SEC14L6: variants seen among roughly 807,000 people sequenced by gnomAD.
The protein encoded by SEC14L6 is SEC14-like protein 6.
A neutral mutation model predicts 54.1 loss-of-function variants in SEC14L6; 40 were observed. The observed-to-expected ratio is 0.74, with a 90% CI of 0.57 to 0.96. SEC14L6 has a LOEUF of 0.96. Among genes scored for constraint, SEC14L6 ranks in the 40% least tolerant of loss-of-function variants. The probability of loss-of-function intolerance (pLI) is 0.00; values close to 1 mark genes in which losing one functional copy is unlikely to be tolerated. For synonymous variants in SEC14L6, 171 were observed against 198.4 expected, an observed-to-expected ratio of 0.86 and a Z score of 1.16; for missense variants, 471 against 498.3, an observed-to-expected ratio of 0.95 and a Z score of 0.52.
chr22:30,542,450 A>G (rs1390855610), intron 1 of SEC14L6: 1 of 502,182 alleles, frequency 2.0e-6, no homozygotes, highest in Non-Finnish European at 3.4e-6. Context: ...CGATGTAGCC[A>G]GCTCGCAGCG....
chr22:30,532,134 G>A, intron 5 of SEC14L6, 136 bp from the exon 6 acceptor site: 1 of 1,442,688 alleles, frequency 6.9e-7, no homozygotes, highest in Non-Finnish European at 9.1e-7. Flanking sequence ...GGGAGGGAAG[G>A]GGCCATCCCA....
intron 6 of SEC14L6, among the ~76,000 whole-genome samples, chr22:30,531,430 GAAAAA>G (rs544856490): frequency 2.1e-3 from 301 of 141,748 alleles, no homozygotes; most frequent in Non-Finnish European, 3.7e-3. Context: ...GAAAAGAAAA[GAAAAA>G]AAAAACGGGC....
At chr22:30,541,677 GT>G (rs2085715984) in intron 1 of SEC14L6, among the ~76,000 whole-genome samples, 1 of 150,634 alleles carries the variant, frequency 6.6e-6, no homozygotes, top group South Asian at 2.1e-4. Context: ...AAAAAAAAAA[GT>G]TAAAAATTAG....
intron 2 of SEC14L6, 29 bp downstream of exon 2, chr22:30,538,798 C>T (rs575173410): frequency 4.7e-6 from 7 of 1,494,654 alleles, no homozygotes; most frequent in South Asian, 2.4e-5. Context: ...TGCCATTGAC[C>T]CTACCCCAGC....
intron 2 of SEC14L6, among the ~76,000 whole-genome samples, chr22:30,536,001 C>T (rs1224601314): frequency 6.6e-6 from 1 of 151,038 alleles, no homozygotes; most frequent in Admixed American, 6.6e-5. Context: ...GCTGGAACCA[C>T]AGGTGTGCCA....
chr22:30,544,237 C>G (rs2085775218), intron 1 of SEC14L6: 2 of 554,428 alleles, frequency 3.6e-6, no homozygotes, highest in Admixed American at 3.1e-5. Flanking sequence ...CTCCCCACCC[C>G]TCCTTGGCTC....
At position 30,546,719 on chromosome 22, in the gene SEC14L6, T is replaced by C; in HGVS notation, c.-37A>G. 1 of 1,533,580 alleles carries C rather than the reference T, an allele frequency of 6.5e-7. No homozygotes were observed. The highest frequency in any genetic ancestry group is 8.8e-7 in the Non-Finnish European group (1 of 1,132,856). The allele number at this position is 1,533,580 out of a possible 1,614,324, so 95.0% of individuals were successfully genotyped here. A position where few individuals can be genotyped will look rare whatever the true frequency, so the allele number is the denominator to read the frequency against. On this transcript the variant is annotated 5_prime_UTR_variant, in exon 1 of 12. Transcript: ENST00000402034. ...ATGGGTCCAGGCTCCACTCTGTGGCTCCCTCCAGGTGGCCTGCCTTTTGCC... is the reference window on the plus strand; with the variant it reads ...ATGGGTCCAGGCTCCACTCTGTGGCCCCCTCCAGGTGGCCTGCCTTTTGCC...
At chr22:30,525,323 G>A (rs376352847) in intron 11 of SEC14L6, 27 bp downstream of exon 11, 2 of 1,610,714 alleles carry the variant, frequency 1.2e-6, no homozygotes, top group East Asian at 2.2e-5. Context: ...CCCAGCTCCA[G>A]GTAGAGCCAT....
chr22:30,545,461 G>T (rs966460745), intron 1 of SEC14L6, among the ~76,000 whole-genome samples: 1 of 150,674 alleles, frequency 6.6e-6, no homozygotes, highest in Non-Finnish European at 1.5e-5. Context: ...GTGGCACGAT[G>T]TTGGCTCACC....
At position 30,543,029 on chromosome 22, in the gene SEC14L6, C is replaced by A. The variant is rs1053592182; in HGVS notation, c.54+3600G>T. On this transcript the variant is annotated intron_variant, in intron 1 of 11. Coordinates refer to ENST00000402034, the MANE Select transcript of SEC14L6 (RefSeq NM_001193336.4). Reference sequence around the variant, plus strand: ...GCCAAACCCTCTGCCCCCGTGGTATCGGGCCCCGCAGCGAGGGCCACACCT... The same window carrying A: ...GCCAAACCCTCTGCCCCCGTGGTATAGGGCCCCGCAGCGAGGGCCACACCT... 11 of 1,600,562 alleles carry A rather than the reference C, an allele frequency of 6.9e-6. No homozygotes were observed. In the Admixed American group the frequency reaches 1.7e-4, roughly 24 times the overall value.
chr22:30,525,816 C>T lies in SEC14L6; in HGVS notation c.771+10G>A, dbSNP rs1409184933. 1 of 1,613,344 alleles carries T rather than the reference C, an allele frequency of 6.2e-7. No individual in the cohort carries two copies. Among genetic ancestry groups the T allele is most frequent in the South Asian group, 1.1e-5 (1 of 90,976 alleles). On this transcript the variant is annotated intron_variant, in intron 9 of 11. Transcript: ENST00000402034. The stretch of plus-strand genomic sequence containing the variant: ...CTCCCCTCCTTCCCCATCCTCTGGG[C>T]ACCCTGTACCTTGGTCAGGCACTTG...
At chr22:30,539,991 A>G (rs2085670642) in intron 1 of SEC14L6, among the ~76,000 whole-genome samples, 2 of 152,214 alleles carry the variant, frequency 1.3e-5, no homozygotes, top group South Asian at 4.1e-4. Flanking sequence ...CACCGGACAA[A>G]GAGTCAGCAG....
In SEC14L6 at chr22:30,542,241, G is replaced by A. The variant is rs2085731664; in HGVS notation, c.55-3339C>T. ...CCGGCCCGCACCCACCCCCAAGAGG[G>A]GCCTTCAGCTTTGGGGCTCAGAGGC... On this transcript the variant is annotated intron_variant, in intron 1 of 11. Coordinates refer to ENST00000402034, the MANE Select transcript of SEC14L6 (RefSeq NM_001193336.4). Among the ~76,000 whole-genome samples, 3 of 152,176 alleles carry A rather than the reference G, an allele frequency of 2.0e-5. No individual in the cohort carries two copies. The South Asian group carries it at 6.2e-4, about 31-fold the overall frequency.
chr22:30,538,896 C>T lies in SEC14L6; in HGVS notation c.61G>A (p.Glu21Lys). The change falls in exon 2 of 12, where the codon GAG becomes AAG. Residue 21 changes from glutamate to lysine, a missense_variant. Glu to Lys is a moderately conservative substitution (Grantham distance 56). Coordinates refer to ENST00000402034, the MANE Select transcript of SEC14L6 (RefSeq NM_001193336.4). ...SQEKSLAQFR[E>K]NIQDVLSALP... ...GCAGATAGCACATCTTGGATGTTCT[C>T]CCGGAACTGAGGACAGACAGGGAGA... 1 of 1,553,056 alleles carries T rather than the reference C, an allele frequency of 6.4e-7. No homozygotes were observed. Among genetic ancestry groups the T allele is most frequent in the Non-Finnish European group, 8.7e-7 (1 of 1,147,638 alleles).
At chr22:30,527,952 A>G (rs1036776455) in intron 8 of SEC14L6, among the ~76,000 whole-genome samples, 1 of 151,942 alleles carries the variant, frequency 6.6e-6, no homozygotes, top group Non-Finnish European at 1.5e-5. Context: ...ACAAAAGGGT[A>G]TATGTATGGT....
At chr22:30,545,692 CG>C (rs2085791518) in intron 1 of SEC14L6, among the ~76,000 whole-genome samples, 1 of 152,162 alleles carries the variant, frequency 6.6e-6, no homozygotes, top group African/African-American at 2.4e-5. Flanking sequence ...CCTCAAAGTG[CG>C]GGGATTATAG....
chr22:30,544,005 C>T (rs2085771035), intron 1 of SEC14L6: 3 of 1,596,888 alleles, frequency 1.9e-6, no homozygotes, highest in Middle Eastern at 1.7e-4. Context: ...TGCACCTCAA[C>T]CGGACCCCCA....
At chr22:30,541,000 C>T (rs1375878549) in intron 1 of SEC14L6, among the ~76,000 whole-genome samples, 1 of 144,272 alleles carries the variant, frequency 6.9e-6, no homozygotes, top group Admixed American at 7.1e-5. Context: ...GCCTGGGCAA[C>T]AGGGTGAGAC....
rs773422938 is a variant in SEC14L6, at chr22:30,525,814, G to A, written c.771+12C>T. 4 of 1,613,354 alleles carry A rather than the reference G, an allele frequency of 2.5e-6. No homozygotes were observed. In the African/African-American group the frequency reaches 4.0e-5, roughly 16 times the overall value. The stretch of plus-strand genomic sequence containing the variant: ...TTCTCCCCTCCTTCCCCATCCTCTG[G>A]GCACCCTGTACCTTGGTCAGGCACT... On this transcript the variant is annotated intron_variant, in intron 9 of 11. Coordinates refer to ENST00000402034, the MANE Select transcript of SEC14L6 (RefSeq NM_001193336.4).
Sources: gnomAD v4.1 joint callset for allele counts (sites outside exome capture counted in the v4.1 genomes callset) on GRCh38, gnomAD v4.1.1 for gene constraint, MANE v1.5 for transcripts, NCBI Gene and HGNC (gene_info 2026-07-23, HGNC 2026-07-21) for gene names.